The following SGIP1 variants were observed in gnomAD, a reference collection of about 807,000 sequenced individuals.
SGIP1 encodes the protein SH3-containing GRB2-like protein 3-interacting protein 1.
A neutral mutation model predicts 107.5 loss-of-function variants in SGIP1; 38 were observed. The ratio of observed to expected loss-of-function variants is 0.35; its 90% CI spans 0.27 to 0.46. The LOEUF (loss-of-function observed/expected upper bound fraction) is 0.46, where lower values mean the gene tolerates loss of function less well. Among genes scored for constraint, SGIP1 ranks in the 20% least tolerant of loss-of-function variants. The pLI, the probability that SGIP1 is intolerant of heterozygous loss-of-function variation, is 1.00. For missense variants in SGIP1, 929 were observed against 1,019.5 expected (o/e 0.91, Z 1.21); for synonymous variants, 365 against 366.1 (o/e 1.00, Z 0.03).
intron 18 of SGIP1, among the ~76,000 whole-genome samples, chr1:66,717,481 G>A (rs1228295246): frequency 6.6e-6 from 1 of 152,118 alleles, no homozygotes; most frequent in Non-Finnish European, 1.5e-5. Context: ...TTTAGGTACT[G>A]TCAAGGTCTC....
At chr1:66,567,450 T>C (rs1225376253) in intron 1 of SGIP1, among the ~76,000 whole-genome samples, 2 of 152,038 alleles carry the variant, frequency 1.3e-5, no homozygotes, top group Non-Finnish European at 2.9e-5. Flanking sequence ...CCATTCTGTA[T>C]GTTGCCTGAT....
chr1:66,683,700 C>CTTTTTTTTTTTTTTTTTTCT (rs2087388803), intron 15 of SGIP1, among the ~76,000 whole-genome samples: 1 of 61,396 alleles, frequency 1.6e-5, no homozygotes, highest in African/African-American at 5.7e-5. Context: ...TGTTTCTTTT[C>CTTTTTTTTTTTTTTTTTTCT]TTTTTTTTTT....
chr1:66,719,656 G>T (rs906092868), intron 19 of SGIP1, among the ~76,000 whole-genome samples: 6 of 152,112 alleles, frequency 3.9e-5, no homozygotes, highest in Non-Finnish European at 7.4e-5. Context: ...ACTTACTCTA[G>T]AAATCTAGAA....
chr1:66,685,378 T>G (rs1027721667), intron 15 of SGIP1, among the ~76,000 whole-genome samples: 15 of 152,228 alleles, frequency 9.9e-5, no homozygotes, highest in Admixed American at 9.2e-4. Context: ...TGTCAAAAGT[T>G]ATAAATACCT....
chr1:66,627,330 A>G (rs2073091976), intron 2 of SGIP1, among the ~76,000 whole-genome samples: 1 of 152,280 alleles, frequency 6.6e-6, no homozygotes, highest in South Asian at 2.1e-4. Context: ...CAACAAAAGC[A>G]AAAGTGGAAA....
At chr1:66,590,826 C>G (rs976141187) in intron 1 of SGIP1, among the ~76,000 whole-genome samples, 2 of 151,298 alleles carry the variant, frequency 1.3e-5, no homozygotes, top group Non-Finnish European at 3.0e-5. Context: ...CTCAAGTGAT[C>G]TGCCCCCCTC....
intron 17 of SGIP1, chr1:66,694,305 T>C (rs1571921498): frequency 3.0e-6 from 2 of 660,438 alleles, no homozygotes; most frequent in East Asian, 3.0e-5. Flanking sequence ...ATAATTCCAG[T>C]GTTTTCAGTT....
Position 66,737,566 on chromosome 1 carries a change from T to G in SGIP1, c.2032-1769T>G, listed in dbSNP as rs138455470. On this transcript the variant is annotated intron_variant, in intron 21 of 24. Transcript: ENST00000371037. ...AATAAATAAAGTGTAGGCAAGATAC[T>G]GAATTCTAGAATTAAGTCAGCTTTC... is the stretch of plus-strand genomic sequence containing the variant. Among the ~76,000 whole-genome samples the G allele has an allele frequency of 2.5e-3, 387 of 152,282 alleles. 1 individual carries two copies. The highest frequency in any genetic ancestry group is 9.1e-3 in the African/African-American group (377 of 41,570).
chr1:66,584,487 A>T (rs1002760072), intron 1 of SGIP1, among the ~76,000 whole-genome samples: 1 of 152,164 alleles, frequency 6.6e-6, no homozygotes, highest in African/African-American at 2.4e-5. Context: ...CTCTAGCTCC[A>T]GGAAGCTCAG....
At chr1:66,670,955 A>C in intron 9 of SGIP1, 40 bp from the exon 10 acceptor site, 4 of 1,047,684 alleles carry the variant, frequency 3.8e-6, no homozygotes, top group Non-Finnish European at 5.5e-6. Flanking sequence ...CATAACATAT[A>C]TGTGGTCTTA....
chr1:66,690,280 A>T lies in SGIP1; in HGVS notation c.1534A>T (p.Thr512Ser), dbSNP rs747106857. ...TGAAAGCACTTCTTCAATATCGTCAACCAATTCCTTGAGCGCAGCCACCAC... is the reference window on the plus strand; with the variant it reads ...TGAAAGCACTTCTTCAATATCGTCATCCAATTCCTTGAGCGCAGCCACCAC... The part of the protein sequence containing the change: ...RAESTSSISS[T>S]NSLSAATTPT... Residue 512 changes from threonine (T) to serine (S), a missense_variant, in exon 17 of 25, where the codon ACC (threonine) becomes TCC (serine). Transcript: ENST00000371037. 17 of 1,614,162 alleles carry T rather than the reference A, an allele frequency of 1.1e-5. 1 individual carries two copies. The South Asian group carries it at 1.9e-4, about 18-fold the overall frequency.
At chr1:66,620,895 T>G (rs2070890155) in intron 1 of SGIP1, among the ~76,000 whole-genome samples, 2 of 152,242 alleles carry the variant, frequency 1.3e-5, no homozygotes, top group African/African-American at 4.8e-5. Context: ...GGGCCTTATT[T>G]GCAGTTTGAA....
intron 18 of SGIP1, among the ~76,000 whole-genome samples, chr1:66,702,402 C>A (rs991049124): frequency 6.6e-5 from 10 of 152,262 alleles, no homozygotes; most frequent in African/African-American, 2.2e-4. Flanking sequence ...CATTTAATGT[C>A]TCTGGGTCTC....
chr1:66,592,000 T>A (rs1363336458), intron 1 of SGIP1, among the ~76,000 whole-genome samples: 1 of 152,216 alleles, frequency 6.6e-6, no homozygotes, highest in Non-Finnish European at 1.5e-5. Context: ...CCTATCTCAG[T>A]AAATAGAATG....
intron 18 of SGIP1, among the ~76,000 whole-genome samples, chr1:66,710,275 A>G (rs1372486718): frequency 6.6e-6 from 1 of 152,150 alleles, no homozygotes; most frequent in Non-Finnish European, 1.5e-5. Context: ...AAGAATTTCT[A>G]CATTTCTTTT....
rs1037364482 is a variant in SGIP1, at chr1:66,615,924, G to A, written c.11-9923G>A. On this transcript the variant is annotated intron_variant, in intron 1 of 24. Transcript: ENST00000371037. ...GTATTCTCCTTCATGCAAAACTTGT[G>A]TGTCTCCCAAATAGGCTAGGCAGGA... is the stretch of plus-strand genomic sequence containing the variant. 3 of 152,168 alleles carry A rather than the reference G, an allele frequency of 2.0e-5. No individual in the cohort carries two copies. In the South Asian group the frequency reaches 6.2e-4, roughly 31 times the overall value. 9.4% of individuals were successfully genotyped at this position (152,168 alleles called of 1,614,324 possible).
At chr1:66,707,864 C>T (rs1005792240) in intron 18 of SGIP1, among the ~76,000 whole-genome samples, 5 of 152,114 alleles carry the variant, frequency 3.3e-5, no homozygotes, top group Non-Finnish European at 7.4e-5. Context: ...AATTGCTCCC[C>T]AAGTCGAATT....
intron 1 of SGIP1, among the ~76,000 whole-genome samples, chr1:66,593,156 C>G (rs1015887350): frequency 1.3e-5 from 2 of 151,920 alleles, no homozygotes; most frequent in African/African-American, 4.8e-5. Context: ...TAATATTCCA[C>G]GGTCTGGATG....
rs187004910 is a variant in SGIP1, at chr1:66,607,699, T to C, written c.11-18148T>C. Among the ~76,000 whole-genome samples the C allele has an allele frequency of 3.7e-3, 558 of 152,322 alleles. 8 individuals are homozygous for C. Among genetic ancestry groups the C allele is most frequent in the African/African-American group, 0.013 (526 of 41,568 alleles). ...CACCAGGGGACACCCTCCACAAAGATGCCTGACAACTGGCCTCTTCATATG... is the reference window on the plus strand; with the variant it reads ...CACCAGGGGACACCCTCCACAAAGACGCCTGACAACTGGCCTCTTCATATG... On this transcript the variant is annotated intron_variant, in intron 1 of 24. Coordinates refer to ENST00000371037, the MANE Select transcript of SGIP1 (RefSeq NM_032291.4).
Sources: allele counts gnomAD v4.1 joint callset (sites outside exome capture counted in the v4.1 genomes callset), GRCh38; gene constraint gnomAD v4.1.1; transcripts MANE v1.5; gene names NCBI Gene and HGNC (gene_info 2026-07-23, HGNC 2026-07-21).